The following ATAD3A variants were observed in gnomAD, a reference collection of about 807,000 sequenced individuals.
The protein encoded by ATAD3A is ATPase family AAA domain containing 3A.
Under a neutral mutation model 73.8 loss-of-function variants are expected in ATAD3A, and 46 were observed. The ratio of observed to expected loss-of-function variants is 0.62; its 90% confidence interval spans 0.49 to 0.80. The LOEUF is 0.80. Among genes scored for constraint, ATAD3A ranks in the 30% least tolerant of loss-of-function variants. The pLI is 0.00. For missense variants in ATAD3A, 705 were observed against 838.0 expected (o/e 0.84, Z 1.96); for synonymous variants, 319 against 350.0 (o/e 0.91, Z 0.99).
chr1:1,521,965 G>A (rs1216618105), intron 7 of ATAD3A, among the ~76,000 whole-genome samples: 1 of 152,224 alleles, frequency 6.6e-6, no homozygotes, highest in African/African-American at 2.4e-5. Flanking sequence ...CTGACCTTAA[G>A]TGATCCAGCC....
rs3128348 is a variant in ATAD3A, at chr1:1,520,657, G to A, written c.750+40G>A. ...AAAACAGGGCTGGCAGGTGGCTGAGGGGCAGCATGTGGGGGCCTCCTGGAG... is the reference window on the plus strand; with the variant it reads ...AAAACAGGGCTGGCAGGTGGCTGAGAGGCAGCATGTGGGGGCCTCCTGGAG... On this transcript the variant is annotated intron_variant, in intron 7 of 15. Coordinates refer to ENST00000378756, the MANE Select transcript of ATAD3A (RefSeq NM_001170535.3). The surrounding 1 kb of genome is among the most constrained non-coding windows in gnomAD (Gnocchi z 4.0). 1,629 of 1,610,122 alleles carry A rather than the reference G, an allele frequency of 1.0e-3. 1 individual carries two copies. The highest frequency in any genetic ancestry group is 2.6e-3 in the Middle Eastern group (14 of 5,312).
intron 15 of ATAD3A, among the ~76,000 whole-genome samples, chr1:1,532,085 G>A (rs1642052074): frequency 6.6e-6 from 1 of 152,148 alleles, no homozygotes; most frequent in African/African-American, 2.4e-5. Context: ...CATTTTTTAT[G>A]TGGAACATTG....
Position 1,534,420 on chromosome 1 carries a change from G to A in ATAD3A, c.*348G>A, listed in dbSNP as rs1036704683. On this transcript the variant is annotated 3_prime_UTR_variant, in exon 16 of 16. Transcript: ENST00000378756. ...TGGCTGAGCCCCCGGGGCAGCAGGA[G>A]CCAGGCAGGTGATGTCTTTGTTCTC... 62 of 1,296,690 alleles carry A rather than the reference G, an allele frequency of 4.8e-5. No individual in the cohort carries two copies. The highest frequency in any genetic ancestry group is 5.7e-5 in the Non-Finnish European group (58 of 1,012,708). The allele number at this position is 1,296,690 out of a possible 1,614,324, so 80.3% of individuals were successfully genotyped here.
At chr1:1,528,693 G>A (rs1641933646) in intron 14 of ATAD3A, among the ~76,000 whole-genome samples, 1 of 152,222 alleles carries the variant, frequency 6.6e-6, no homozygotes, top group Non-Finnish European at 1.5e-5. Context: ...CGTCCCCCGG[G>A]CCCCGGTTTC....
intron 15 of ATAD3A, among the ~76,000 whole-genome samples, chr1:1,529,943 C>T (rs777163545): frequency 5.9e-5 from 9 of 152,208 alleles, no homozygotes; most frequent in Non-Finnish European, 1.3e-4. Flanking sequence ...GTTGGTGGGG[C>T]AGAAGGCACC....
In ATAD3A at chr1:1,520,317, C is replaced by A; in HGVS notation, c.680+11C>A. On this transcript the variant is annotated intron_variant, in intron 6 of 15. Coordinates refer to ENST00000378756, the MANE Select transcript of ATAD3A (RefSeq NM_001170535.3). This position sits in a 1 kb window ranked among gnomAD's most constrained non-coding sequence, Gnocchi z 4.0. ...CTTGGAGTCCATCAGGTGAGCACTG[C>A]CGAGGCCCGGGCCGGCCACAGATGG... The A allele has an allele frequency of 6.2e-7, 1 of 1,609,122 alleles. No homozygotes were observed.
intron 7 of ATAD3A, among the ~76,000 whole-genome samples, chr1:1,522,487 C>G (rs1334627952): frequency 6.6e-6 from 1 of 152,244 alleles, no homozygotes; most frequent in Non-Finnish European, 1.5e-5. Context: ...CGCTCAGCGA[C>G]CGAGGCTTTC....
At chr1:1,512,539 G>A (rs1641234740) in intron 1 of ATAD3A, 66 bp downstream of exon 1, 1 of 1,380,850 alleles carries the variant, frequency 7.2e-7, no homozygotes, top group Non-Finnish European at 9.5e-7. Flanking sequence ...CGGGAGCCCT[G>A]GCCCTTGCCG....
intron 15 of ATAD3A, among the ~76,000 whole-genome samples, chr1:1,530,504 C>T (rs1367188909): frequency 2.6e-5 from 4 of 151,790 alleles, no homozygotes; most frequent in African/African-American, 4.9e-5. Context: ...TGCACTCCAG[C>T]CTGGATTACA....
At chr1:1,527,164 C>T (rs1168421503) in intron 13 of ATAD3A, 27 of 1,302,622 alleles carry the variant, frequency 2.1e-5, no homozygotes, top group Non-Finnish European at 2.7e-5. Flanking sequence ...CCTCCAGCCC[C>T]AGTCACGTGT....
intron 13 of ATAD3A, 56 bp from the exon 14 acceptor site, chr1:1,527,639 C>G (rs1268515908): frequency 1.3e-6 from 2 of 1,559,630 alleles, no homozygotes; most frequent in Admixed American, 1.9e-5. Context: ...CCCCGTTCCC[C>G]TTGGTGCAGC....
intron 15 of ATAD3A, 71 bp downstream of exon 15, chr1:1,529,402 C>T (rs1299977316): frequency 2.7e-6 from 4 of 1,507,344 alleles, no homozygotes; most frequent in Non-Finnish European, 3.6e-6. Context: ...TTGCGCCAGG[C>T]CTGTCCCAGC....
At chr1:1,530,175 C>T (rs1641987634) in intron 15 of ATAD3A, among the ~76,000 whole-genome samples, 1 of 152,208 alleles carries the variant, frequency 6.6e-6, no homozygotes, top group Non-Finnish European at 1.5e-5. Flanking sequence ...AAACCCCGTC[C>T]TTGTGGGTCA....
chr1:1,512,349 C>T lies in ATAD3A; in HGVS notation c.81C>T (p.Pro27=), dbSNP rs1002420548. Residue 27 remains proline, a synonymous_variant, in exon 1 of 16, where the codon CCC becomes CCT. Coordinates refer to ENST00000378756, the MANE Select transcript of ATAD3A (RefSeq NM_001170535.3). Reference sequence around the variant, plus strand: ...CGCCGCCTTTGCCGCCCGCGCAGCCCGGGGCCGAGGGCGGCGGGGACCGCG... The same window carrying T: ...CGCCGCCTTTGCCGCCCGCGCAGCCTGGGGCCGAGGGCGGCGGGGACCGCG... ...GPPPPLPPAQ[P]GAEGGGDRGL... is the part of the protein sequence containing the mutation. 6.8e-5 allele frequency: 84 copies of T among 1,242,700 alleles called. No homozygotes were observed. The highest frequency in any genetic ancestry group is 7.5e-5 in the Non-Finnish European group (74 of 989,134). 77.0% of individuals were successfully genotyped at this position (1,242,700 alleles called of 1,614,324 possible).
intron 15 of ATAD3A, among the ~76,000 whole-genome samples, chr1:1,533,250 C>T (rs1642095703): frequency 6.6e-6 from 1 of 152,142 alleles, no homozygotes; most frequent in Admixed American, 6.5e-5. Flanking sequence ...CAGTGGGGGT[C>T]CCCACACCCT....
In ATAD3A at chr1:1,527,666, GCATCCT is replaced by G. The variant is rs748161728; in HGVS notation, c.1338-17_1338-12del. On this transcript the variant is annotated intron_variant, in intron 13 of 15. Transcript: ENST00000378756. ...TGGTGCAGCTCGGCCGGCAGCCCCA[GCATCCT>G]CATCCTCATCCCCGCCCCGCAGGTT... The G allele has an allele frequency of 4.4e-6, 7 of 1,588,578 alleles. No individual in the cohort carries two copies. The South Asian group carries it at 5.6e-5, about 13-fold the overall frequency.
intron 15 of ATAD3A, among the ~76,000 whole-genome samples, chr1:1,530,160 A>T (rs541533772): frequency 6.6e-6 from 1 of 152,318 alleles, no homozygotes; most frequent in East Asian, 1.9e-4. Flanking sequence ...AGAGCCCCAG[A>T]TCTCAAACCC....
intron 10 of ATAD3A, 74 bp from the exon 11 acceptor site, chr1:1,524,199 T>C (rs1251139734): frequency 6.2e-7 from 1 of 1,612,278 alleles, no homozygotes; most frequent in Non-Finnish European, 8.5e-7. Flanking sequence ...GCCTCCACAC[T>C]CCGGGTGGAG....
In ATAD3A at chr1:1,523,380, T is replaced by A; in HGVS notation, c.907-131T>A. ...TCTCCGGGCGGGGCAGGGTTCCAGCTCCGGGCCGGTCCTGGCTGTGCTTTG... is the reference window on the plus strand; with the variant it reads ...TCTCCGGGCGGGGCAGGGTTCCAGCACCGGGCCGGTCCTGGCTGTGCTTTG... On this transcript the variant is annotated intron_variant, in intron 8 of 15. Coordinates refer to ENST00000378756, the MANE Select transcript of ATAD3A (RefSeq NM_001170535.3). The surrounding 1 kb of genome is among the most constrained non-coding windows in gnomAD (Gnocchi z 5.1). 1 of 1,443,108 alleles carries A rather than the reference T, an allele frequency of 6.9e-7. No individual in the cohort carries two copies. Among genetic ancestry groups the A allele is most frequent in the Non-Finnish European group, 9.4e-7 (1 of 1,061,476 alleles). The allele number at this position is 1,443,108 out of a possible 1,614,324, so 89.4% of individuals were successfully genotyped here.
Sources: gnomAD v4.1 joint callset for allele counts (sites outside exome capture counted in the v4.1 genomes callset) on GRCh38, gnomAD v4.1.1 for gene constraint, Gnocchi (gnomAD v3.1) non-coding constraint, MANE v1.5 for transcripts, NCBI Gene and HGNC (gene_info 2026-07-23, HGNC 2026-07-21) for gene names.